Variants in TIAM1 observed in about 807,000 individuals in gnomAD.
TIAM1 encodes rho guanine nucleotide exchange factor TIAM1.
A neutral mutation model predicts 163.5 loss-of-function variants in TIAM1; 65 were observed. The ratio of observed to expected loss-of-function variants is 0.40; its 90% CI spans 0.33 to 0.49. The LOEUF (loss-of-function observed/expected upper bound fraction) is 0.49. Ranked by LOEUF, TIAM1 falls within the 20% of genes least tolerant of loss-of-function variation. TIAM1 has a pLI of 0.77. For missense variants in TIAM1, 1,789 were observed against 2,044.7 expected (o/e 0.87, Z 2.41); for synonymous variants, 833 against 810.1 (o/e 1.03, Z -0.48).
At chr21:31,322,197 AT>A (rs1214880333) in intron 2 of TIAM1, among the ~76,000 whole-genome samples, 3 of 152,220 alleles carry the variant, frequency 2.0e-5, no homozygotes, top group Non-Finnish European at 4.4e-5. Flanking sequence ...ATGAATATGC[AT>A]GATTATCTAA....
rs145899613 is a variant in TIAM1, at chr21:31,378,652, C to A, written c.-368-39230G>T. On this transcript the variant is annotated intron_variant, in intron 2 of 28. Coordinates refer to the TIAM1 transcript ENST00000286827. Reference sequence around the variant, plus strand: ...GCTTCCCTGATTCCCTGAAGACAATCTTTTTCCCACTCATACTCGCTGCCA... The same window carrying A: ...GCTTCCCTGATTCCCTGAAGACAATATTTTTCCCACTCATACTCGCTGCCA... Among the ~76,000 whole-genome samples the A allele has an allele frequency of 1.6e-3, 251 of 152,282 alleles. 1 individual carries two copies. The highest frequency in any genetic ancestry group is 5.8e-3 in the African/African-American group (240 of 41,558).
intron 20 of TIAM1, among the ~76,000 whole-genome samples, chr21:31,144,984 A>G (rs1169685168): frequency 1.3e-5 from 2 of 152,208 alleles, no homozygotes; most frequent in African/African-American, 4.8e-5. Flanking sequence ...GTGATTAAAA[A>G]TAACACAAAT....
rs147548203 is a variant in TIAM1, at chr21:31,223,461, G to A, written c.1940C>T (p.Thr647Met). 6.6e-5 allele frequency: 107 copies of A among 1,613,952 alleles called. No individual in the cohort carries two copies. The African/African-American group carries it at 1.1e-3, about 16-fold the overall frequency. Residue 647 changes from threonine (T) to methionine (M), a missense_variant, in exon 8 of 28, where the codon ACG (threonine) becomes ATG (methionine). This residue lies in a region of TIAM1 where 456 missense variants were observed against 586.6 expected (regional missense o/e 0.78). Transcript: ENST00000541036. ...TCCAAGGCGGCCCATGGCCACTTTC[G>A]TTGGTCGACTTGCAAAAGCGAGAAG... The part of the protein sequence containing the change: ...KRLLAFASRP[T>M]KVAMGRLGIF...
intron 3 of TIAM1, among the ~76,000 whole-genome samples, chr21:31,267,565 T>A (rs2072851570): frequency 7.1e-6 from 1 of 141,178 alleles, no homozygotes; most frequent in Admixed American, 7.2e-5. Context: ...TACTTCAAAA[T>A]CAATCAAAAA....
chr21:31,235,623 G>A (rs981880408), intron 6 of TIAM1, among the ~76,000 whole-genome samples: 2 of 152,180 alleles, frequency 1.3e-5, no homozygotes, highest in Middle Eastern at 3.2e-3. Flanking sequence ...CTCATGAGGC[G>A]AAGAGGGCAA....
intron 2 of TIAM1, among the ~76,000 whole-genome samples, chr21:31,279,113 G>C (rs2073430683): frequency 6.6e-6 from 1 of 151,008 alleles, no homozygotes; most frequent in East Asian, 1.9e-4. Flanking sequence ...TCTAGTCCCT[G>C]AACAAAAAAA....
At chr21:31,523,315 A>G (rs948918359) in intron 1 of TIAM1, among the ~76,000 whole-genome samples, 7 of 152,252 alleles carry the variant, frequency 4.6e-5, no homozygotes, top group African/African-American at 1.7e-4. Context: ...AAAAGTCCTA[A>G]GCAGTGCAAT....
intron 15 of TIAM1, among the ~76,000 whole-genome samples, chr21:31,178,021 C>T (rs2084846294): frequency 6.6e-6 from 1 of 152,204 alleles, no homozygotes; most frequent in African/African-American, 2.4e-5. Context: ...TAGACTAAGG[C>T]TGTAGTCCAT....
chr21:31,301,326 G>A (rs974759690), intron 2 of TIAM1, among the ~76,000 whole-genome samples: 2 of 152,088 alleles, frequency 1.3e-5, no homozygotes, highest in African/African-American at 4.8e-5. Context: ...AAAACCCTGG[G>A]TTCAATTTCT....
At chr21:31,445,464 G>A (rs1247300898) in intron 2 of TIAM1, among the ~76,000 whole-genome samples, 1 of 152,204 alleles carries the variant, frequency 6.6e-6, no homozygotes, top group Admixed American at 6.5e-5. Flanking sequence ...AAACTTTGTG[G>A]AAAATAATCT....
At chr21:31,556,185 A>T (rs889037665) in intron 1 of TIAM1, among the ~76,000 whole-genome samples, 3 of 152,182 alleles carry the variant, frequency 2.0e-5, no homozygotes, top group Non-Finnish European at 4.4e-5. Context: ...TTCCCAGAAC[A>T]AGTACAAGAA....
upstream of TIAM1, among the ~76,000 whole-genome samples, chr21:31,347,221 T>C (rs1165722337): frequency 1.3e-5 from 2 of 152,160 alleles, no homozygotes; most frequent in Admixed American, 1.3e-4. Flanking sequence ...GCTGGCTCCA[T>C]ACAGTGGCGG....
At chr21:31,172,126 A>G (rs2084539603) in intron 15 of TIAM1, among the ~76,000 whole-genome samples, 1 of 152,170 alleles carries the variant, frequency 6.6e-6, no homozygotes. Flanking sequence ...ATGATACCAG[A>G]AAGCCAGAAA....
At chr21:31,500,668 C>T (rs2046819130) in intron 1 of TIAM1, among the ~76,000 whole-genome samples, 1 of 152,116 alleles carries the variant, frequency 6.6e-6, no homozygotes, top group Non-Finnish European at 1.5e-5. Context: ...GAGACAGAGA[C>T]ACACAGGGAT....
At chr21:31,427,985 G>T in intron 2 of TIAM1, among the ~76,000 whole-genome samples, 1 of 152,206 alleles carries the variant, frequency 6.6e-6, no homozygotes, top group Non-Finnish European at 1.5e-5. Context: ...AACGCGGCCA[G>T]GCGCAGTGGC....
At chr21:31,143,223 T>C (rs7282328) in intron 20 of TIAM1, among the ~76,000 whole-genome samples, 18,038 of 152,074 alleles carry the variant, frequency 0.12, 1,274 homozygotes, top group African/African-American at 0.2. Flanking sequence ...ACAATCAACA[T>C]TGGAAAAAGC....
At chr21:31,449,791 C>CAT (rs932982373) in intron 2 of TIAM1, among the ~76,000 whole-genome samples, 1 of 152,116 alleles carries the variant, frequency 6.6e-6, no homozygotes, top group Admixed American at 6.6e-5. Context: ...TCTTTCTATC[C>CAT]AGGGTAGGCC....
intron 2 of TIAM1, among the ~76,000 whole-genome samples, chr21:31,445,706 G>A (rs1327393436): frequency 6.6e-6 from 1 of 152,102 alleles, no homozygotes; most frequent in African/African-American, 2.4e-5. Context: ...TAAAATTCAA[G>A]AGTTTATTCA....
intron 13 of TIAM1, among the ~76,000 whole-genome samples, chr21:31,191,377 A>G (rs1434361914): frequency 6.6e-6 from 1 of 152,068 alleles, no homozygotes; most frequent in African/African-American, 2.4e-5. Flanking sequence ...GATGGTCTCA[A>G]TCTCTTGACC....
Sources: gnomAD v4.1 joint callset for allele counts (sites outside exome capture counted in the v4.1 genomes callset) on GRCh38, gnomAD v4.1.1 for gene constraint, gnomAD v4.1.1 regional missense constraint, MANE v1.5 for transcripts, NCBI Gene and HGNC (gene_info 2026-07-23, HGNC 2026-07-21) for gene names.